Variants in PPM1E observed in about 807,000 individuals in gnomAD.
PPM1E encodes the protein protein phosphatase, Mg2+/Mn2+ dependent 1E, also known as protein phosphatase 1E.
PPM1E carries 20 observed loss-of-function variants against 65.9 expected under a neutral mutation model. That is an observed-to-expected ratio of 0.30 (90% CI 0.21 to 0.44). The LOEUF (loss-of-function observed/expected upper bound fraction) is 0.44. Among genes scored for constraint, PPM1E ranks in the 20% least tolerant of loss-of-function variants. PPM1E has a pLI of 1.00. For synonymous variants in PPM1E, 352 were observed against 374.9 expected (o/e 0.94, Z 0.70); for missense variants, 713 against 953.1 (o/e 0.75, Z 3.32).
At chr17:58,863,472 C>T (rs2050964596) in intron 1 of PPM1E, among the ~76,000 whole-genome samples, 1 of 152,220 alleles carries the variant, frequency 6.6e-6, no homozygotes. Context: ...GCTCTGCCAT[C>T]TGGAGGGAGT....
At chr17:58,798,806 G>A (rs950488999) in intron 1 of PPM1E, among the ~76,000 whole-genome samples, 1 of 151,940 alleles carries the variant, frequency 6.6e-6, no homozygotes, top group Non-Finnish European at 1.5e-5. Flanking sequence ...TGATACTCAT[G>A]TCTCAGCCTC....
intron 1 of PPM1E, among the ~76,000 whole-genome samples, chr17:58,932,851 C>T (rs1291546637): frequency 6.6e-6 from 1 of 152,142 alleles, no homozygotes; most frequent in Non-Finnish European, 1.5e-5. Context: ...ACATTTTAGT[C>T]AATAACAGGC....
intron 1 of PPM1E, among the ~76,000 whole-genome samples, chr17:58,864,272 T>C (rs1358193580): frequency 1.3e-5 from 2 of 152,220 alleles, no homozygotes; most frequent in East Asian, 1.9e-4. Context: ...TTCTAACTAA[T>C]GCTATTAACT....
chr17:58,834,056 G>T (rs2050630544), intron 1 of PPM1E, among the ~76,000 whole-genome samples: 1 of 152,174 alleles, frequency 6.6e-6, no homozygotes, highest in Non-Finnish European at 1.5e-5. Flanking sequence ...CGAAGTGTCT[G>T]TGCATGTCTT....
intron 1 of PPM1E, among the ~76,000 whole-genome samples, chr17:58,891,137 T>G (rs1165926948): frequency 6.6e-6 from 1 of 152,028 alleles, no homozygotes; most frequent in Non-Finnish European, 1.5e-5. Context: ...CAGCTAATTT[T>G]GTATTTTTAG....
intron 1 of PPM1E, among the ~76,000 whole-genome samples, chr17:58,764,973 C>T (rs1253633088): frequency 6.6e-6 from 1 of 151,824 alleles, no homozygotes; most frequent in Non-Finnish European, 1.5e-5. Flanking sequence ...TCCTTTTCTG[C>T]TCTCCCATGA....
rs1354600344 is a variant in PPM1E, at chr17:58,980,477, C to T, written c.1714C>T (p.Leu572Phe). Residue 572 changes from leucine to phenylalanine, a missense_variant, in exon 7 of 7, where the codon CTC becomes TTC. This residue lies in a region of PPM1E where 286 missense variants were observed against 313.8 expected (regional missense o/e 0.91). Transcript: ENST00000308249. This position sits in a 1 kb window ranked among gnomAD's most constrained non-coding sequence, Gnocchi z 4.7. ...NVLEDPGYLD[L>F]TQIEASKPHS... ...GCTGGAAGACCCAGGCTACCTAGAT[C>T]TCACACAAATAGAAGCAAGCAAACC... is the stretch of plus-strand genomic sequence containing the variant. 1.8e-5 allele frequency: 29 copies of T among 1,614,174 alleles called. No individual in the cohort carries two copies. Among genetic ancestry groups the T allele is most frequent in the Non-Finnish European group, 2.5e-5 (29 of 1,180,026 alleles).
chr17:58,835,636 T>G (rs1464556713), intron 1 of PPM1E, among the ~76,000 whole-genome samples: 1 of 151,360 alleles, frequency 6.6e-6, no homozygotes, highest in Admixed American at 6.6e-5. Flanking sequence ...TCAGGCAATA[T>G]AGTGAGACCT....
intron 1 of PPM1E, among the ~76,000 whole-genome samples, chr17:58,864,386 A>C (rs1429613592): frequency 6.6e-6 from 1 of 152,164 alleles, no homozygotes; most frequent in African/African-American, 2.4e-5. Context: ...CATGCCTGTA[A>C]TCCCATCAGT....
At chr17:58,913,227 T>G (rs1188196116) in intron 1 of PPM1E, among the ~76,000 whole-genome samples, 2 of 152,136 alleles carry the variant, frequency 1.3e-5, no homozygotes, top group East Asian at 3.9e-4. Context: ...TGGTGTCTGC[T>G]GGAGAATTGC....
At chr17:58,918,662 CG>C (rs2051714438) in intron 1 of PPM1E, among the ~76,000 whole-genome samples, 1 of 151,640 alleles carries the variant, frequency 6.6e-6, no homozygotes, top group Non-Finnish European at 1.5e-5. Flanking sequence ...AAAAATTCGC[CG>C]GGCATGGTGG....
intron 1 of PPM1E, among the ~76,000 whole-genome samples, chr17:58,928,860 G>A (rs997303030): frequency 3.3e-5 from 5 of 151,858 alleles, no homozygotes; most frequent in Admixed American, 2.0e-4. Flanking sequence ...CCACCACCAC[G>A]CCCGGCTAAT....
At chr17:58,849,006 G>A (rs1214473736) in intron 1 of PPM1E, among the ~76,000 whole-genome samples, 1 of 152,124 alleles carries the variant, frequency 6.6e-6, no homozygotes, top group East Asian at 1.9e-4. Flanking sequence ...TCTTGGGAGG[G>A]TGTATGTGTC....
rs1183389463 is a variant in PPM1E at position 58,893,014 on chromosome 17, CAA to C, written c.465-62632_465-62631del. 3.9e-5 allele frequency among the ~76,000 whole-genome samples: 6 copies of C among 152,290 alleles called. No individual in the cohort carries two copies. In the East Asian group the frequency reaches 1.2e-3, roughly 29 times the overall value. ...CTCTCATTCATTGCTGGTTGGAAGA[CAA>C]AATGGTACAGCCACTTTGGAAGAAG... On this transcript the variant is annotated intron_variant, in intron 1 of 6. Coordinates refer to ENST00000308249, the MANE Select transcript of PPM1E (RefSeq NM_014906.5).
chr17:58,765,238 C>T (rs1231419729), intron 1 of PPM1E, among the ~76,000 whole-genome samples: 3 of 148,044 alleles, frequency 2.0e-5, no homozygotes, highest in African/African-American at 5.0e-5. Flanking sequence ...AGTGCAGTGA[C>T]ACGATCTCGG....
chr17:58,919,321 C>G (rs1288565623), intron 1 of PPM1E, among the ~76,000 whole-genome samples: 5 of 152,034 alleles, frequency 3.3e-5, no homozygotes, highest in Non-Finnish European at 7.4e-5. Context: ...AGTCATTGAA[C>G]TTGAGAGTTC....
Position 58,983,262 on chromosome 17 carries a change from T to G in PPM1E, c.*2231T>G. On this transcript the variant is annotated 3_prime_UTR_variant, in exon 7 of 7. Coordinates refer to ENST00000308249, the MANE Select transcript of PPM1E (RefSeq NM_014906.5). The stretch of plus-strand genomic sequence containing the variant: ...CTAGTGTGGTCGTTATAAACCAATA[T>G]TGTGAAAAATAGCAACTATTCATTT... The G allele has an allele frequency of 4.9e-6, 1 of 203,366 alleles. No homozygotes were observed. Among genetic ancestry groups the G allele is most frequent in the Non-Finnish European group, 9.9e-6 (1 of 100,816 alleles). The allele number at this position is 203,366 out of a possible 1,614,324, so 12.6% of individuals were successfully genotyped here. A position where few individuals can be genotyped will look rare whatever the true frequency, so the allele number is the denominator to read the frequency against.
intron 2 of PPM1E, among the ~76,000 whole-genome samples, chr17:58,964,095 G>A (rs1470750816): frequency 6.6e-6 from 1 of 152,150 alleles, no homozygotes; most frequent in Non-Finnish European, 1.5e-5. Flanking sequence ...GGGAGTCCAC[G>A]TCCCAGGCTG....
At chr17:58,915,779 A>G (rs1419043758) in intron 1 of PPM1E, among the ~76,000 whole-genome samples, 1 of 152,206 alleles carries the variant, frequency 6.6e-6, no homozygotes, top group Non-Finnish European at 1.5e-5. Context: ...TTTCTCTATT[A>G]AAATGCATTG....
Sources: allele counts gnomAD v4.1 joint callset (sites outside exome capture counted in the v4.1 genomes callset), GRCh38; gene constraint gnomAD v4.1.1; regional missense constraint gnomAD v4.1.1; non-coding constraint Gnocchi (gnomAD v3.1); transcripts MANE v1.5; gene names NCBI Gene and HGNC (gene_info 2026-07-23, HGNC 2026-07-21).